The following CACNA2D3 variants were observed in gnomAD, a reference collection of about 807,000 sequenced individuals.
CACNA2D3 encodes calcium voltage-gated channel auxiliary subunit alpha2delta 3, also known as voltage-dependent calcium channel subunit alpha-2/delta-3.
In CACNA2D3, 60 loss-of-function variants were observed where a neutral mutation model predicts 160.6. The ratio of observed to expected loss-of-function variants is 0.37; its 90% CI spans 0.30 to 0.46. The LOEUF is 0.46. Ranked by LOEUF, CACNA2D3 falls within the 20% of genes least tolerant of loss-of-function variation. The pLI is 1.00. For synonymous variants in CACNA2D3, 558 were observed against 492.9 expected (o/e 1.13, Z -1.75); for missense variants, 1,205 against 1,365.0 (o/e 0.88, Z 1.85).
At chr3:54,899,105 G>A (rs1167005502) in intron 26 of CACNA2D3, among the ~76,000 whole-genome samples, 1 of 152,178 alleles carries the variant, frequency 6.6e-6, no homozygotes, top group Non-Finnish European at 1.5e-5. Flanking sequence ...GCACCTTTTA[G>A]CAGGTGGGCA....
At chr3:54,554,896 A>G (rs1702219642) in intron 5 of CACNA2D3, among the ~76,000 whole-genome samples, 1 of 74,110 alleles carries the variant, frequency 1.3e-5, no homozygotes, top group Admixed American at 1.6e-4. Flanking sequence ...TTTTTTGGAG[A>G]CAAGGTCTCA....
intron 31 of CACNA2D3, among the ~76,000 whole-genome samples, chr3:54,988,017 T>C (rs529944796): frequency 6.6e-6 from 1 of 152,256 alleles, no homozygotes; most frequent in Non-Finnish European, 1.5e-5. Flanking sequence ...GAGGCTGCAC[T>C]GTGATGTGAT....
At chr3:54,197,955 A>G (rs1701110744) in intron 2 of CACNA2D3, among the ~76,000 whole-genome samples, 1 of 152,210 alleles carries the variant, frequency 6.6e-6, no homozygotes, top group African/African-American at 2.4e-5. Context: ...GAGGTGAAGC[A>G]TCTCTGCTGG....
At chr3:54,853,060 A>C (rs1699094599) in intron 17 of CACNA2D3, among the ~76,000 whole-genome samples, 1 of 151,736 alleles carries the variant, frequency 6.6e-6, no homozygotes, top group Admixed American at 6.6e-5. Context: ...CTCATGCTCA[A>C]CTCTTCTTTA....
At chr3:54,267,030 G>A (rs1467994311) in intron 2 of CACNA2D3, among the ~76,000 whole-genome samples, 1 of 152,194 alleles carries the variant, frequency 6.6e-6, no homozygotes, top group Non-Finnish European at 1.5e-5. Flanking sequence ...GCTGTAACTA[G>A]TATAACCAGG....
At chr3:54,866,216 G>C (rs1027214462) in intron 17 of CACNA2D3, among the ~76,000 whole-genome samples, 2 of 152,218 alleles carry the variant, frequency 1.3e-5, no homozygotes, top group Non-Finnish European at 2.9e-5. Flanking sequence ...ACAAATGAGT[G>C]AATGAGGGAA....
At chr3:54,342,127 A>G (rs1021796648) in intron 3 of CACNA2D3, among the ~76,000 whole-genome samples, 12 of 152,206 alleles carry the variant, frequency 7.9e-5, no homozygotes, top group Non-Finnish European at 5.9e-5. Context: ...TCTATTTAAT[A>G]TTTATTTTAA....
chr3:54,269,735 T>C (rs1702583968), intron 2 of CACNA2D3, among the ~76,000 whole-genome samples: 1 of 152,140 alleles, frequency 6.6e-6, no homozygotes, highest in Non-Finnish European at 1.5e-5. Flanking sequence ...GGAGTTATCT[T>C]GGCAAAAAGG....
At chr3:54,750,682 G>T (rs1166554658) in intron 11 of CACNA2D3, among the ~76,000 whole-genome samples, 1 of 150,832 alleles carries the variant, frequency 6.6e-6, no homozygotes, top group African/African-American at 2.5e-5. Context: ...GTTAAGTGCC[G>T]ACAGTGGACA....
chr3:54,771,263 A>G (rs1702316240), intron 13 of CACNA2D3, among the ~76,000 whole-genome samples: 1 of 152,190 alleles, frequency 6.6e-6, no homozygotes, highest in Non-Finnish European at 1.5e-5. Flanking sequence ...CATCACCTGT[A>G]TGGCTCTGCT....
intron 2 of CACNA2D3, among the ~76,000 whole-genome samples, chr3:54,268,773 C>A (rs537214094): frequency 1.3e-5 from 2 of 152,172 alleles, no homozygotes; most frequent in Non-Finnish European, 2.9e-5. Flanking sequence ...CAGGGTCACC[C>A]AGCTAGTAAG....
At chr3:54,283,159 T>C (rs999534958) in intron 2 of CACNA2D3, among the ~76,000 whole-genome samples, 1 of 152,190 alleles carries the variant, frequency 6.6e-6, no homozygotes, top group African/African-American at 2.4e-5. Context: ...TAGTGAGAAG[T>C]AATGTTGTCC....
At chr3:54,816,814 C>G (rs778396869) in intron 13 of CACNA2D3, 39 bp from the exon 14 acceptor site, 1 of 1,609,024 alleles carries the variant, frequency 6.2e-7, no homozygotes, top group Non-Finnish European at 8.5e-7. Context: ...TAATGATCAA[C>G]TTTTTTCTTT....
chr3:54,430,544 C>G (rs1699973513), intron 4 of CACNA2D3, among the ~76,000 whole-genome samples: 1 of 152,206 alleles, frequency 6.6e-6, no homozygotes, highest in Non-Finnish European at 1.5e-5. Context: ...CAACTCAACA[C>G]ATGCAGAAAT....
intron 3 of CACNA2D3, among the ~76,000 whole-genome samples, chr3:54,363,172 C>T (rs1170396925): frequency 2.0e-5 from 3 of 151,276 alleles, no homozygotes; most frequent in African/African-American, 4.9e-5. Flanking sequence ...TCCAGCCTAG[C>T]GATAGAGCGA....
intron 27 of CACNA2D3, among the ~76,000 whole-genome samples, chr3:54,951,702 G>A (rs752718282): frequency 4.6e-5 from 7 of 152,210 alleles, no homozygotes; most frequent in Admixed American, 2.0e-4. Context: ...TCACTGAACC[G>A]CCGTGTACCT....
At chr3:54,907,865 T>C (rs866978021) in intron 27 of CACNA2D3, among the ~76,000 whole-genome samples, 29 of 152,306 alleles carry the variant, frequency 1.9e-4, no homozygotes, top group Middle Eastern at 3.4e-3. Flanking sequence ...TTTAACATAA[T>C]GTTTTTATGA....
intron 35 of CACNA2D3, among the ~76,000 whole-genome samples, chr3:55,020,434 T>C (rs1225896449): frequency 4.0e-5 from 6 of 149,464 alleles, no homozygotes; most frequent in Non-Finnish European, 7.4e-5. Context: ...CATAATCTAG[T>C]ATATATTACA....
At chr3:54,530,880 C>G (rs1424711132) in intron 5 of CACNA2D3, among the ~76,000 whole-genome samples, 7 of 152,186 alleles carry the variant, frequency 4.6e-5, no homozygotes. Flanking sequence ...CTTGTGGTCT[C>G]TCCCTGAGTC....
Sources: gnomAD v4.1 joint callset for allele counts (sites outside exome capture counted in the v4.1 genomes callset) on GRCh38, gnomAD v4.1.1 for gene constraint, MANE v1.5 for transcripts, NCBI Gene and HGNC (gene_info 2026-07-23, HGNC 2026-07-21) for gene names.